SECISBP2: variants seen among roughly 807,000 people sequenced by gnomAD.
The protein encoded by SECISBP2 is SECIS binding protein 2, also known as selenocysteine insertion sequence-binding protein 2.
A neutral mutation model predicts 98.2 loss-of-function variants in SECISBP2; 96 were observed. The observed-to-expected ratio is 0.98, with a 90% CI of 0.83 to 1.16. The LOEUF is 1.16. Among genes scored for constraint, SECISBP2 ranks in the 50% most tolerant of loss-of-function variants. The pLI is 0.00. For missense variants in SECISBP2, 1,046 were observed against 1,022.9 expected (o/e 1.02, Z -0.31); for synonymous variants, 407 against 370.2 (o/e 1.10, Z -1.14).
In SECISBP2 at chr9:89,325,997, C is replaced by T; in HGVS notation, c.533C>T (p.Ser178Leu). The change falls in exon 4 of 17, where the codon TCA becomes TTA. Residue 178 changes from serine to leucine, a missense_variant. Ser to Leu is a moderately radical substitution (Grantham distance 145). Transcript: ENST00000375807. ...ISSEIKSARGSHHLSIYAENS... is the reference protein window; with the variant it reads ...ISSEIKSARGLHHLSIYAENS... Reference sequence around the variant, plus strand: ...TCTGAGATAAAATCAGCTAGAGGTTCACATCATTTGTCCATTTACGCTGAG... The same window carrying T: ...TCTGAGATAAAATCAGCTAGAGGTTTACATCATTTGTCCATTTACGCTGAG... 3.7e-6 allele frequency: 6 copies of T among 1,613,850 alleles called. No homozygotes were observed. Among genetic ancestry groups the T allele is most frequent in the Non-Finnish European group, 3.4e-6 (4 of 1,179,994 alleles).
intron 4 of SECISBP2, among the ~76,000 whole-genome samples, chr9:89,326,929 G>A (rs893173989): frequency 1.7e-4 from 26 of 152,296 alleles, no homozygotes; most frequent in African/African-American, 6.0e-4. Flanking sequence ...TTGGGAGTCC[G>A]AGACGGGCGG....
At chr9:89,355,509 A>G in intron 14 of SECISBP2, 1 of 963,802 alleles carries the variant, frequency 1.0e-6, no homozygotes, top group Non-Finnish European at 1.2e-6. Flanking sequence ...GACCTCTTTT[A>G]GATTGATTTG....
intron 6 of SECISBP2, among the ~76,000 whole-genome samples, chr9:89,333,545 C>G (rs993474387): frequency 6.6e-6 from 1 of 152,150 alleles, no homozygotes; most frequent in Admixed American, 6.5e-5. Flanking sequence ...ACCTGCCTCA[C>G]GGTCCTGCCT....
Position 89,357,527 on chromosome 9 carries a change from G to A in SECISBP2, c.2230G>A (p.Val744Ile), listed in dbSNP as rs1832274791. Residue 744 changes from valine (V) to isoleucine (I), a missense_variant, in exon 15 of 17, where the codon GTC (valine) becomes ATC (isoleucine). Val to Ile is a conservative substitution (Grantham distance 29, BLOSUM62 3). Coordinates refer to ENST00000375807, the MANE Select transcript of SECISBP2 (RefSeq NM_024077.5). Reference sequence around the variant, plus strand: ...GCGCAGTTTGAATAAGGCAGTTCCTGTCAGTGTGGTGGGGATCTTCAGCTA... The same window carrying A: ...GCGCAGTTTGAATAAGGCAGTTCCTATCAGTGTGGTGGGGATCTTCAGCTA... The part of the protein sequence containing the change: ...LGRSLNKAVP[V>I]SVVGIFSYDG... 5.6e-6 allele frequency: 9 copies of A among 1,614,052 alleles called. No homozygotes were observed. The highest frequency in any genetic ancestry group is 1.3e-5 in the African/African-American group (1 of 74,938).
intron 9 of SECISBP2, among the ~76,000 whole-genome samples, chr9:89,340,662 C>G (rs1829521103): frequency 6.6e-6 from 1 of 152,170 alleles, no homozygotes; most frequent in Non-Finnish European, 1.5e-5. Context: ...GGTACTTTCC[C>G]CTGATGGGAG....
chr9:89,325,751 T>C, intron 3 of SECISBP2, 75 bp downstream of exon 3: 1 of 1,599,994 alleles, frequency 6.3e-7, no homozygotes, highest in South Asian at 1.1e-5. Context: ...AATGGTAAAT[T>C]TGTACATCAT....
intron 8 of SECISBP2, 125 bp from the exon 9 acceptor site, chr9:89,339,739 G>A (rs370708951): frequency 3.3e-4 from 239 of 734,078 alleles, no homozygotes; most frequent in African/African-American, 2.7e-3. Context: ...TGAGAGTTTC[G>A]CGGCTTTTTT....
chr9:89,321,697 T>C (rs1228507891), intron 2 of SECISBP2, among the ~76,000 whole-genome samples: 2 of 152,194 alleles, frequency 1.3e-5, no homozygotes, highest in African/African-American at 4.8e-5. Flanking sequence ...TTAACTCTTC[T>C]TTTTTAGCTT....
At chr9:89,324,112 G>C (rs1826276720) in intron 2 of SECISBP2, 1 of 152,092 alleles carries the variant, frequency 6.6e-6, no homozygotes, top group African/African-American at 2.4e-5. Context: ...ATGAAGAACA[G>C]ATTATCCACC....
intron 4 of SECISBP2, 75 bp downstream of exon 4, chr9:89,326,113 G>T (rs1826659854): frequency 6.4e-7 from 1 of 1,554,588 alleles, no homozygotes; most frequent in East Asian, 2.2e-5. Flanking sequence ...TATGTATACA[G>T]CTGTTTCTAT....
At chr9:89,355,393 C>A (rs1831911784) in intron 14 of SECISBP2, 4 of 985,160 alleles carry the variant, frequency 4.1e-6, no homozygotes, top group Middle Eastern at 5.2e-4. Context: ...AGCATCCTCT[C>A]CAGGAGTTTT....
At chr9:89,334,834 T>C in intron 7 of SECISBP2, 104 bp downstream of exon 7, 1 of 873,012 alleles carries the variant, frequency 1.1e-6, no homozygotes, top group Non-Finnish European at 1.9e-6. Flanking sequence ...TCAGTTTTGC[T>C]AGGGGAAATG....
rs59799418 is a variant in SECISBP2 at position 89,336,081 on chromosome 9, CTTTTTTTTTTT to C, written c.1089+1368_1089+1378del. Among the ~76,000 whole-genome samples, 56 of 33,058 alleles carry C rather than the reference CTTTTTTTTTTT, an allele frequency of 1.7e-3. 1 individual carries two copies. Among genetic ancestry groups the C allele is most frequent in the African/African-American group, 4.9e-3 (41 of 8,362 alleles). 21.7% of individuals were successfully genotyped at this position (33,058 alleles called of 152,430 possible). A position where few individuals can be genotyped will look rare whatever the true frequency, so the allele number is the denominator to read the frequency against. ...TTTTTCCCTTAAGTAATTTTAAGTG[CTTTTTTTTTTT>C]TTTTTTTTTTTTTTTTCACTGCAGC... On this transcript the variant is annotated intron_variant, in intron 7 of 16. Transcript: ENST00000375807.
At chr9:89,357,375 A>G (rs754014154) in intron 14 of SECISBP2, 36 bp from the exon 15 acceptor site, 1 of 1,613,380 alleles carries the variant, frequency 6.2e-7, no homozygotes, top group South Asian at 1.1e-5. Flanking sequence ...TCCATGTGAC[A>G]TGTCTTCCTG....
the SECISBP2 span, among the ~76,000 whole-genome samples, chr9:89,366,483 C>G: frequency 6.6e-6 from 1 of 152,148 alleles, no homozygotes; most frequent in African/African-American, 2.4e-5. Context: ...TGGACAAGCC[C>G]TTGTGAACAG....
rs1358749948 is a variant in SECISBP2 at position 89,358,183 on chromosome 9, C to G, written c.2453C>G (p.Pro818Arg). 1.2e-6 allele frequency: 2 copies of G among 1,612,444 alleles called. No homozygotes were observed. Among genetic ancestry groups the G allele is most frequent in the Non-Finnish European group, 1.7e-6 (2 of 1,179,416 alleles). ...GPPALKEKEEPHYIEIWKKHL... is the reference protein window; with the variant it reads ...GPPALKEKEERHYIEIWKKHL... ...CCAGCCCTGAAAGAAAAAGAAGAGC[C>G]ACACTACAGTGAGTGCTTAAGGGAG... Residue 818 changes from proline to arginine, a missense_variant, in exon 16 of 17, where the codon CCA becomes CGA. Transcript: ENST00000375807.
chr9:89,358,111 C>T lies in SECISBP2; in HGVS notation c.2381C>T (p.Pro794Leu). 1.9e-6 allele frequency: 3 copies of T among 1,613,794 alleles called. No individual in the cohort carries two copies. Among genetic ancestry groups the T allele is most frequent in the Non-Finnish European group, 2.5e-6 (3 of 1,179,960 alleles). The change falls in exon 16 of 17, where the codon CCC becomes CTC. Residue 794 changes from proline to leucine, a missense_variant. Pro to Leu is a moderately conservative substitution (Grantham distance 98, BLOSUM62 -3). Coordinates refer to ENST00000375807, the MANE Select transcript of SECISBP2 (RefSeq NM_024077.5). ...GGAGAGCCCAGGCCTCAGGCACCTCCCAGCCTACCCACACAGGGCCCCAGC... is the reference window on the plus strand; with the variant it reads ...GGAGAGCCCAGGCCTCAGGCACCTCTCAGCCTACCCACACAGGGCCCCAGC... ...LVGEPRPQAP[P>L]SLPTQGPSCP...
intron 1 of SECISBP2, 83 bp downstream of exon 1, chr9:89,318,695 C>G: frequency 7.6e-7 from 1 of 1,319,046 alleles, no homozygotes. Context: ...GGTGACGGGG[C>G]TGGTCCAGCG....
At chr9:89,354,389 C>T (rs1344596074) in intron 14 of SECISBP2, among the ~76,000 whole-genome samples, 1 of 152,178 alleles carries the variant, frequency 6.6e-6, no homozygotes, top group African/African-American at 2.4e-5. Context: ...AAACCAGGCT[C>T]CAGCTTCCAA....
Sources: allele counts gnomAD v4.1 joint callset (sites outside exome capture counted in the v4.1 genomes callset), GRCh38; gene constraint gnomAD v4.1.1; transcripts MANE v1.5; gene names NCBI Gene and HGNC (gene_info 2026-07-23, HGNC 2026-07-21).